Variants in ARHGAP24 observed in about 807,000 individuals in gnomAD.
ARHGAP24 encodes the protein Rho GTPase activating protein 24.
Under a neutral mutation model 76.4 loss-of-function variants are expected in ARHGAP24, and 50 were observed. The observed-to-expected ratio is 0.65, with a 90% CI of 0.52 to 0.83. ARHGAP24 has a LOEUF of 0.83. ARHGAP24 is among the 40% of genes least tolerant of loss of function. ARHGAP24 has a pLI of 0.00. For synonymous variants in ARHGAP24, 345 were observed against 323.3 expected, an observed-to-expected ratio of 1.07 and a Z score of -0.72; for missense variants, 930 against 914.2, an observed-to-expected ratio of 1.02 and a Z score of -0.22.
chr4:85,853,541 T>A (rs1281651402), intron 3 of ARHGAP24, among the ~76,000 whole-genome samples: 2 of 152,158 alleles, frequency 1.3e-5, no homozygotes, highest in Admixed American at 6.5e-5. Flanking sequence ...AATGCAGAAA[T>A]CACCCATCTT....
At chr4:85,492,120 GTTC>G (rs1428497862) in intron 1 of ARHGAP24, among the ~76,000 whole-genome samples, 1 of 144,512 alleles carries the variant, frequency 6.9e-6, no homozygotes, top group Non-Finnish European at 1.5e-5. Flanking sequence ...TCCTTCTTCT[GTTC>G]TTTGCCTTTT....
intron 2 of ARHGAP24, among the ~76,000 whole-genome samples, chr4:85,641,247 A>G (rs1437632678): frequency 1.3e-5 from 2 of 152,072 alleles, no homozygotes; most frequent in Non-Finnish European, 2.9e-5. Flanking sequence ...GGTGTGCAAC[A>G]CCATTCTTGG....
chr4:85,895,117 G>T (rs1734103796), intron 3 of ARHGAP24, among the ~76,000 whole-genome samples: 1 of 151,702 alleles, frequency 6.6e-6, no homozygotes. Context: ...CACTGCTTGG[G>T]TGATTACTGC....
At chr4:85,837,257 C>G (rs1290335832) in intron 3 of ARHGAP24, among the ~76,000 whole-genome samples, 1 of 152,142 alleles carries the variant, frequency 6.6e-6, no homozygotes, top group Non-Finnish European at 1.5e-5. Context: ...CCAACCTGCT[C>G]TATAATTTGA....
chr4:85,854,180 TTGAC>T (rs1731428237), intron 3 of ARHGAP24, among the ~76,000 whole-genome samples: 4 of 151,666 alleles, frequency 2.6e-5, no homozygotes, highest in Admixed American at 2.0e-4. Flanking sequence ...ACTTGCAACT[TTGAC>T]TGCTACAGAA....
chr4:85,966,783 T>C (rs1378981618), intron 5 of ARHGAP24, among the ~76,000 whole-genome samples: 1 of 152,160 alleles, frequency 6.6e-6, no homozygotes, highest in Admixed American at 6.6e-5. Flanking sequence ...ATTTTTTTAA[T>C]TCTAAGTGAG....
At position 85,808,142 on chromosome 4, in the gene ARHGAP24, C is replaced by T. The variant is rs564523077; in HGVS notation, c.268+86170C>T. Reference sequence around the variant, plus strand: ...TTCTCATTTTATTTTTCTCCCAATTCGAAAAAAATATGCTTTTTATTTCAT... The same window carrying T: ...TTCTCATTTTATTTTTCTCCCAATTTGAAAAAAATATGCTTTTTATTTCAT... On this transcript the variant is annotated intron_variant, in intron 3 of 9. Transcript: ENST00000395184. Among the ~76,000 whole-genome samples the T allele has an allele frequency of 1.4e-4, 22 of 151,972 alleles. No homozygotes were observed. In the South Asian group the frequency reaches 2.9e-3, roughly 20 times the overall value.
intron 1 of ARHGAP24, among the ~76,000 whole-genome samples, chr4:85,488,055 G>A (rs971038243): frequency 1.3e-5 from 2 of 150,092 alleles, no homozygotes. Flanking sequence ...TACAGGCGCC[G>A]GCCACCACGC....
intron 3 of ARHGAP24, among the ~76,000 whole-genome samples, chr4:85,745,266 C>A (rs974654080): frequency 7.0e-5 from 10 of 142,766 alleles, no homozygotes; most frequent in Admixed American, 4.2e-4. Flanking sequence ...TGGCGAGAGA[C>A]CCCAGTAACT....
intron 3 of ARHGAP24, among the ~76,000 whole-genome samples, chr4:85,735,997 ACTTT>A (rs1441104029): frequency 6.6e-6 from 1 of 152,072 alleles, no homozygotes; most frequent in Non-Finnish European, 1.5e-5. Context: ...TACCACATTG[ACTTT>A]CTTTGAGTTT....
chr4:85,913,864 T>G (rs952004901), intron 3 of ARHGAP24, among the ~76,000 whole-genome samples: 24 of 152,186 alleles, frequency 1.6e-4, no homozygotes, highest in Admixed American at 3.3e-4. Context: ...TCTGAGGGAA[T>G]TTTTAAAATG....
At chr4:85,851,593 T>C (rs778605035) in intron 3 of ARHGAP24, among the ~76,000 whole-genome samples, 100 of 152,328 alleles carry the variant, frequency 6.6e-4, no homozygotes, top group Non-Finnish European at 1.3e-3. Flanking sequence ...GTACCAGTTG[T>C]TCCTTTCCAT....
At chr4:85,785,428 A>T (rs967054659) in intron 3 of ARHGAP24, among the ~76,000 whole-genome samples, 22 of 152,176 alleles carry the variant, frequency 1.4e-4, no homozygotes, top group African/African-American at 5.3e-4. Context: ...GCAAGTGAGT[A>T]TTATATTTTA....
intron 3 of ARHGAP24, among the ~76,000 whole-genome samples, chr4:85,803,936 T>TTTTTTC (rs1212232346): frequency 2.0e-5 from 3 of 151,534 alleles, no homozygotes; most frequent in Non-Finnish European, 2.9e-5. Flanking sequence ...AAATTCTTTT[T>TTTTTTC]TTTTTCTTTT....
At chr4:85,833,436 C>A (rs1020355905) in intron 3 of ARHGAP24, among the ~76,000 whole-genome samples, 1 of 152,048 alleles carries the variant, frequency 6.6e-6, no homozygotes, top group Non-Finnish European at 1.5e-5. Context: ...TGGGATTCCT[C>A]CCCTCCCATG....
chr4:85,802,905 C>T (rs910373957), intron 3 of ARHGAP24, among the ~76,000 whole-genome samples: 3 of 152,100 alleles, frequency 2.0e-5, no homozygotes, highest in South Asian at 4.1e-4. Flanking sequence ...TATGGTAAGT[C>T]GAGGTAGTTT....
intron 2 of ARHGAP24, among the ~76,000 whole-genome samples, chr4:85,681,765 C>T (rs17392334): frequency 0.42 from 63,186 of 152,054 alleles, 13,580 homozygotes; most frequent in Non-Finnish European, 0.48. Flanking sequence ...GCTGTCTAAG[C>T]TGGACAGAAG....
chr4:85,798,147 C>A lies in ARHGAP24; in HGVS notation c.268+76175C>A, dbSNP rs371606573. Among the ~76,000 whole-genome samples the A allele has an allele frequency of 9.2e-5, 14 of 152,220 alleles. No homozygotes were observed. In the East Asian group the frequency reaches 2.1e-3, roughly 23 times the overall value. ...ATCAAAAAGTTGCAAGATATAACTT[C>A]TTTTTTAATGATGAGGGGCCCCATC... On this transcript the variant is annotated intron_variant, in intron 3 of 9. Coordinates refer to ENST00000395184, the MANE Select transcript of ARHGAP24 (RefSeq NM_001025616.3).
chr4:85,930,702 C>A, intron 4 of ARHGAP24: 6 of 1,203,722 alleles, frequency 5.0e-6, no homozygotes, highest in Non-Finnish European at 3.1e-6. Context: ...ACCTTAAAAA[C>A]TCCCTGGATT....
Sources: gnomAD v4.1 joint callset for allele counts (sites outside exome capture counted in the v4.1 genomes callset) on GRCh38, gnomAD v4.1.1 for gene constraint, MANE v1.5 for transcripts, NCBI Gene and HGNC (gene_info 2026-07-23, HGNC 2026-07-21) for gene names.